Variants in CSMD1 observed in about 807,000 individuals in gnomAD.
The protein encoded by CSMD1 is CUB and sushi domain-containing protein 1.
In CSMD1, 213 loss-of-function variants were observed where a neutral mutation model predicts 417.5. The observed-to-expected ratio is 0.51, with a 90% confidence interval of 0.46 to 0.57. The LOEUF is 0.57. Among genes scored for constraint, CSMD1 ranks in the 20% least tolerant of loss-of-function variants. The pLI, the probability that CSMD1 is intolerant of heterozygous loss-of-function variation, is 0.00. For missense variants in CSMD1, 6,923 were observed against 4,529.7 expected, an observed-to-expected ratio of 1.53 and a Z score of -15.17; for synonymous variants, 2,862 against 1,736.8, an observed-to-expected ratio of 1.65 and a Z score of -16.11.
In CSMD1 at chr8:4,204,321, G is replaced by GT. The variant is rs576193433; in HGVS notation, c.416-172223dup. 3.8e-4 allele frequency among the ~76,000 whole-genome samples: 57 copies of GT among 151,158 alleles called. 3 individuals are homozygous for GT. In the South Asian group the frequency reaches 0.012, roughly 31 times the overall value. Reference sequence around the variant, plus strand: ...GGTTTTCTTTCTCAGAATCAGAATAGTTTTTTAAAAATGTCCTATTTCCAC... The same window carrying GT: ...GGTTTTCTTTCTCAGAATCAGAATAGTTTTTTTAAAAATGTCCTATTTCCAC... On this transcript the variant is annotated intron_variant, in intron 3 of 69. Transcript: ENST00000635120.
At chr8:4,590,908 A>C (rs781459781) in intron 2 of CSMD1, among the ~76,000 whole-genome samples, 3 of 152,246 alleles carry the variant, frequency 2.0e-5, no homozygotes, top group Non-Finnish European at 2.9e-5. Context: ...TCTGTGATAC[A>C]ACAATGCTCT....
intron 3 of CSMD1, among the ~76,000 whole-genome samples, chr8:4,376,138 A>C (rs1490532184): frequency 6.6e-6 from 1 of 152,254 alleles, no homozygotes; most frequent in Non-Finnish European, 1.5e-5. Flanking sequence ...AATGCACTGC[A>C]AACTTTATGC....
intron 5 of CSMD1, among the ~76,000 whole-genome samples, chr8:3,794,020 C>T (rs4875787): frequency 0.24 from 35,871 of 152,038 alleles, 4,322 homozygotes; most frequent in South Asian, 0.26. Flanking sequence ...CACGCGTAGA[C>T]AGACGAAAGA....
intron 4 of CSMD1, among the ~76,000 whole-genome samples, chr8:4,012,680 A>G (rs1197603636): frequency 1.3e-5 from 2 of 152,148 alleles, no homozygotes; most frequent in Admixed American, 1.3e-4. Context: ...AGCTTTATGT[A>G]TCCAACTCCC....
chr8:3,106,089 C>A (rs1489947193), intron 46 of CSMD1, among the ~76,000 whole-genome samples: 3 of 152,010 alleles, frequency 2.0e-5, no homozygotes, highest in Non-Finnish European at 4.4e-5. Context: ...GGGATCAGAG[C>A]ACAGATTAAG....
rs771262298 is a variant in CSMD1 at position 2,962,469 on chromosome 8, T to C, written c.9625A>G (p.Ile3209Val). 5.6e-6 allele frequency: 9 copies of C among 1,612,814 alleles called. No homozygotes were observed. In the South Asian group the frequency reaches 9.9e-5, roughly 18 times the overall value. Residue 3209 changes from isoleucine to valine, a missense_variant, in exon 61 of 70, where the codon ATT (isoleucine) becomes GTT (valine). Coordinates refer to ENST00000635120, the MANE Select transcript of CSMD1 (RefSeq NM_033225.6). ...GTWSGIQPTC[I>V]DPAHNTCPDP... The stretch of plus-strand genomic sequence containing the variant: ...AGAGCTGTATGATAATTATTACCAA[T>C]GCAGGTGGGTTGTATGCCGCTCCAC...
chr8:4,562,059 G>A (rs763761239), intron 2 of CSMD1, among the ~76,000 whole-genome samples: 28 of 152,316 alleles, frequency 1.8e-4, no homozygotes, highest in Admixed American at 4.6e-4. Flanking sequence ...AGCCAGCAAA[G>A]AGACGTCAAT....
At chr8:4,301,319 A>G (rs1411285616) in intron 3 of CSMD1, among the ~76,000 whole-genome samples, 3 of 152,288 alleles carry the variant, frequency 2.0e-5, no homozygotes, top group African/African-American at 7.2e-5. Context: ...CAGTGCCATG[A>G]CCTTTATACT....
chr8:3,572,780 A>G (rs1213131546), intron 10 of CSMD1, among the ~76,000 whole-genome samples: 1 of 152,142 alleles, frequency 6.6e-6, no homozygotes, highest in Non-Finnish European at 1.5e-5. Context: ...AAATGCATGT[A>G]ATCTATTTAC....
intron 1 of CSMD1, among the ~76,000 whole-genome samples, chr8:4,840,841 T>A (rs987118201): frequency 3.3e-5 from 5 of 152,238 alleles, no homozygotes; most frequent in Non-Finnish European, 2.9e-5. Context: ...GAGTAATCAT[T>A]ACCACTATTA....
chr8:3,758,020 C>T (rs757553211), intron 5 of CSMD1, among the ~76,000 whole-genome samples: 1 of 152,054 alleles, frequency 6.6e-6, no homozygotes, highest in African/African-American at 2.4e-5. Context: ...CTGGACTGCA[C>T]TGGCACAATC....
chr8:4,987,932 G>A (rs749515442), intron 1 of CSMD1, among the ~76,000 whole-genome samples: 1 of 152,150 alleles, frequency 6.6e-6, no homozygotes, highest in Non-Finnish European at 1.5e-5. Flanking sequence ...TGGACTTTAG[G>A]CCACAGGCTG....
chr8:4,194,933 G>C (rs1238782973), intron 3 of CSMD1, among the ~76,000 whole-genome samples: 1 of 151,784 alleles, frequency 6.6e-6, no homozygotes, highest in Non-Finnish European at 1.5e-5. Context: ...AGTAGAAGAG[G>C]TGATTAGTCC....
chr8:3,782,554 G>C (rs529383064), intron 5 of CSMD1, among the ~76,000 whole-genome samples: 2 of 152,172 alleles, frequency 1.3e-5, no homozygotes, highest in Non-Finnish European at 2.9e-5. Flanking sequence ...TAAATGATGA[G>C]TTGATGGGCG....
chr8:4,357,948 G>A (rs1181498500), intron 3 of CSMD1, among the ~76,000 whole-genome samples: 1 of 152,014 alleles, frequency 6.6e-6, no homozygotes, highest in African/African-American at 2.4e-5. Flanking sequence ...CATTGCTAGT[G>A]GTGTAATGCC....
intron 7 of CSMD1, among the ~76,000 whole-genome samples, chr8:3,657,452 C>T (rs1358908779): frequency 6.6e-6 from 1 of 152,042 alleles, no homozygotes; most frequent in East Asian, 1.9e-4. Flanking sequence ...ACCCAAATGC[C>T]CATCAATGAT....
chr8:3,561,802 A>G (rs555410935), intron 10 of CSMD1, among the ~76,000 whole-genome samples: 1 of 152,242 alleles, frequency 6.6e-6, no homozygotes, highest in Non-Finnish European at 1.5e-5. Context: ...CAGAAAAAGA[A>G]AAAAAAGTAG....
chr8:4,062,721 G>A (rs192234925), intron 3 of CSMD1, among the ~76,000 whole-genome samples: 1 of 150,698 alleles, frequency 6.6e-6, no homozygotes, highest in East Asian at 2.0e-4. Flanking sequence ...TTCCTGATCA[G>A]CATTATCAAA....
chr8:3,040,137 C>G (rs1156755385), intron 50 of CSMD1, among the ~76,000 whole-genome samples: 1 of 152,060 alleles, frequency 6.6e-6, no homozygotes, highest in East Asian at 1.9e-4. Context: ...AAGTCAGGCT[C>G]TAGAATTTGG....
Sources: allele counts gnomAD v4.1 joint callset (sites outside exome capture counted in the v4.1 genomes callset), GRCh38; gene constraint gnomAD v4.1.1; transcripts MANE v1.5; gene names NCBI Gene and HGNC (gene_info 2026-07-23, HGNC 2026-07-21).